Variants in DPP6 observed in about 807,000 individuals in gnomAD.
DPP6 encodes the protein A-type potassium channel modulatory protein DPP6.
DPP6 carries 69 observed loss-of-function variants against 122.6 expected under a neutral mutation model. The ratio of observed to expected loss-of-function variants is 0.56; its 90% CI spans 0.46 to 0.69. The LOEUF is 0.69. Among genes scored for constraint, DPP6 ranks in the 30% least tolerant of loss-of-function variants. DPP6 has a pLI of 0.00. For missense variants in DPP6, 928 were observed against 1,116.9 expected, an observed-to-expected ratio of 0.83 and a Z score of 2.41; for synonymous variants, 418 against 433.1, an observed-to-expected ratio of 0.97 and a Z score of 0.43.
intron 1 of DPP6, among the ~76,000 whole-genome samples, chr7:154,329,476 A>G (rs1808728176): frequency 6.6e-6 from 1 of 152,246 alleles, no homozygotes; most frequent in African/African-American, 2.4e-5. Context: ...AGTGAAAACC[A>G]CAAGGAGATA....
Position 154,892,670 on chromosome 7 carries a change from G to C in DPP6, c.*190G>C. The C allele has an allele frequency of 8.4e-7, 1 of 1,187,500 alleles. No individual in the cohort carries two copies. Among genetic ancestry groups the C allele is most frequent in the African/African-American group, 1.5e-5 (1 of 66,594 alleles). The allele number at this position is 1,187,500 out of a possible 1,614,324, so 73.6% of individuals were successfully genotyped here. A position where few individuals can be genotyped will look rare whatever the true frequency, so the allele number is the denominator to read the frequency against. ...CTCCTTCCCCGGGGTCATCACTCAC[G>C]GCCTCCATGGCACCAGGGACAACGC... On this transcript the variant is annotated 3_prime_UTR_variant, in exon 26 of 26. Coordinates refer to ENST00000377770, the MANE Select transcript of DPP6 (RefSeq NM_130797.4).
intron 1 of DPP6, among the ~76,000 whole-genome samples, chr7:154,120,787 C>T (rs1204147885): frequency 6.6e-6 from 1 of 152,182 alleles, no homozygotes; most frequent in African/African-American, 2.4e-5. Context: ...TAAAAATGCA[C>T]CCAGAACAGT....
intron 3 of DPP6, among the ~76,000 whole-genome samples, chr7:154,519,914 CATGTT>C (rs1180956811): frequency 6.6e-6 from 1 of 152,126 alleles, no homozygotes; most frequent in Admixed American, 6.6e-5. Context: ...ATTTATAAAA[CATGTT>C]ATTTATTTTC....
At position 154,058,705 on chromosome 7, in the gene DPP6, C is replaced by T. The variant is rs1423964027; in HGVS notation, c.243+5642C>T. 4.0e-5 allele frequency: 6 copies of T among 149,560 alleles called. 1 individual carries two copies. Among genetic ancestry groups the T allele is most frequent in the African/African-American group, 1.5e-4 (6 of 39,992 alleles). The allele number at this position is 149,560 out of a possible 1,614,324, so 9.3% of individuals were successfully genotyped here. On this transcript the variant is annotated intron_variant, in intron 1 of 25. Transcript: ENST00000377770. The stretch of plus-strand genomic sequence containing the variant: ...AGGTGTCCAAGTAGAAAGTTCAAAT[C>T]TTCCGACGGCAGGTACCTTACGTGG...
intron 1 of DPP6, among the ~76,000 whole-genome samples, chr7:154,060,774 G>A (rs192545523): frequency 0.014 from 1,816 of 129,906 alleles, 37 homozygotes; most frequent in East Asian, 0.022. Context: ...TCCCCCCCTG[G>A]CTCTTAGGAC....
the DPP6 span, among the ~76,000 whole-genome samples, chr7:153,837,150 G>A: frequency 6.6e-6 from 1 of 152,146 alleles, no homozygotes. Flanking sequence ...GGGTTAAATA[G>A]GATTCTCCTT....
intron 3 of DPP6, among the ~76,000 whole-genome samples, chr7:154,510,859 C>T (rs1043383762): frequency 6.6e-6 from 1 of 151,676 alleles, no homozygotes. Flanking sequence ...CTTGATAAAG[C>T]ATGTGCTTGC....
At chr7:154,467,268 G>A (rs1821867209) in intron 2 of DPP6, among the ~76,000 whole-genome samples, 1 of 152,056 alleles carries the variant, frequency 6.6e-6, no homozygotes, top group Non-Finnish European at 1.5e-5. Flanking sequence ...AGAATTTTGG[G>A]GGTCTGATAT....
intron 1 of DPP6, among the ~76,000 whole-genome samples, chr7:154,294,778 TG>T (rs1418486987): frequency 1.3e-5 from 2 of 152,148 alleles, no homozygotes; most frequent in Admixed American, 6.5e-5. Flanking sequence ...TACAGGCCAC[TG>T]AAGACAGCAC....
At position 154,350,657 on chromosome 7, in the gene DPP6, A is replaced by G. The variant is rs1435934976; in HGVS notation, c.244-95557A>G. 2.0e-5 allele frequency among the ~76,000 whole-genome samples: 3 copies of G among 152,244 alleles called. No homozygotes were observed. The East Asian group carries it at 5.8e-4, about 29-fold the overall frequency. On this transcript the variant is annotated intron_variant, in intron 1 of 25. Coordinates refer to ENST00000377770, the MANE Select transcript of DPP6 (RefSeq NM_130797.4). ...GTTGGGTATCACTGCTCTGCCTTGA[A>G]CAGGTGCACCCTGGTGTTATGGGAC...
intron 1 of DPP6, among the ~76,000 whole-genome samples, chr7:154,389,636 AG>A (rs1320904848): frequency 2.0e-5 from 3 of 152,220 alleles, no homozygotes; most frequent in Non-Finnish European, 2.9e-5. Flanking sequence ...AAACAAAGGC[AG>A]GGTTTTTTAT....
chr7:154,650,212 A>C (rs71534137), intron 6 of DPP6, among the ~76,000 whole-genome samples: 18,627 of 151,996 alleles, frequency 0.12, 1,476 homozygotes, highest in Non-Finnish European at 0.18. Context: ...GTGATCCCAG[A>C]AACTTGGGAT....
intron 1 of DPP6, among the ~76,000 whole-genome samples, chr7:154,277,718 T>C (rs1804231477): frequency 6.6e-6 from 1 of 152,170 alleles, no homozygotes; most frequent in Non-Finnish European, 1.5e-5. Flanking sequence ...TGAGCCAGGA[T>C]CACAGCACTG....
chr7:153,977,039 C>T (rs1473987233), intron 1 of DPP6, among the ~76,000 whole-genome samples: 1 of 152,230 alleles, frequency 6.6e-6, no homozygotes. Flanking sequence ...TTCTTCTAAG[C>T]TGCAGGAGCT....
chr7:154,321,954 C>T (rs1585933046), intron 1 of DPP6, among the ~76,000 whole-genome samples: 1 of 152,046 alleles, frequency 6.6e-6, no homozygotes, highest in African/African-American at 2.4e-5. Flanking sequence ...CCCCCGCCAG[C>T]GAAGGGCAGC....
intron 1 of DPP6, among the ~76,000 whole-genome samples, chr7:154,135,218 A>G (rs1795486368): frequency 6.7e-6 from 1 of 149,588 alleles, no homozygotes; most frequent in Non-Finnish European, 1.5e-5. Context: ...TTGTGAATTT[A>G]TACTTCTATG....
At chr7:154,007,339 T>C (rs1429037890) in intron 1 of DPP6, among the ~76,000 whole-genome samples, 1 of 152,180 alleles carries the variant, frequency 6.6e-6, no homozygotes, top group Admixed American at 6.5e-5. Context: ...ACAATAGTGG[T>C]TTTCAAAGTT....
intron 1 of DPP6, among the ~76,000 whole-genome samples, chr7:154,226,296 C>T (rs1800597479): frequency 6.7e-6 from 1 of 148,236 alleles, no homozygotes; most frequent in Non-Finnish European, 1.5e-5. Flanking sequence ...TTGATAGGTT[C>T]GATCTGGACA....
intron 21 of DPP6, among the ~76,000 whole-genome samples, chr7:154,882,240 G>C (rs1253996636): frequency 2.0e-5 from 3 of 152,186 alleles, no homozygotes; most frequent in Admixed American, 1.3e-4. Flanking sequence ...GGGACCCTGT[G>C]CACCTGTCAG....
Sources: gnomAD v4.1 joint callset for allele counts (sites outside exome capture counted in the v4.1 genomes callset) on GRCh38, gnomAD v4.1.1 for gene constraint, MANE v1.5 for transcripts, NCBI Gene and HGNC (gene_info 2026-07-23, HGNC 2026-07-21) for gene names.